The following KIRREL3 variants were observed in gnomAD, a reference collection of about 807,000 sequenced individuals.
KIRREL3 encodes the protein kirre like nephrin family adhesion molecule 3.
A neutral mutation model predicts 89.7 loss-of-function variants in KIRREL3; 36 were observed. The ratio of observed to expected loss-of-function variants is 0.40; its 90% CI spans 0.31 to 0.53. The LOEUF (loss-of-function observed/expected upper bound fraction) is 0.53. Ranked by LOEUF, KIRREL3 falls within the 20% of genes least tolerant of loss-of-function variation. KIRREL3 has a pLI of 0.49. For synonymous variants in KIRREL3, 445 were observed against 441.4 expected (o/e 1.01, Z -0.10); for missense variants, 864 against 1,056.6 (o/e 0.82, Z 2.53).
chr11:126,732,144 T>C (rs772244203), intron 1 of KIRREL3, among the ~76,000 whole-genome samples: 2 of 152,192 alleles, frequency 1.3e-5, no homozygotes, highest in Non-Finnish European at 2.9e-5. Context: ...ATTTGGAGAC[T>C]AAGGATTCCT....
rs1310921725 is a variant in KIRREL3, at chr11:126,768,441, T to A, written c.56-205529A>T. Among the ~76,000 whole-genome samples, 1 of 152,246 alleles carries A rather than the reference T, an allele frequency of 6.6e-6. No homozygotes were observed. Among genetic ancestry groups the A allele is most frequent in the Non-Finnish European group, 1.5e-5 (1 of 68,046 alleles). ...TCAGTCAGGCAGGCCAAGGATCTTATGAACTTGGTTTATGAGATCCTTGGT... is the reference window on the plus strand; with the variant it reads ...TCAGTCAGGCAGGCCAAGGATCTTAAGAACTTGGTTTATGAGATCCTTGGT... On this transcript the variant is annotated intron_variant, in intron 1 of 16. Coordinates refer to ENST00000525144, the MANE Select transcript of KIRREL3 (RefSeq NM_032531.4). The surrounding 1 kb of genome is among the most constrained non-coding windows in gnomAD (Gnocchi z 4.5).
Position 126,496,623 on chromosome 11 carries a change from C to T in KIRREL3, c.434-23157G>A, listed in dbSNP as rs1418869486. Among the ~76,000 whole-genome samples the T allele has an allele frequency of 6.6e-6, 1 of 152,000 alleles. No individual in the cohort carries two copies. Among genetic ancestry groups the T allele is most frequent in the Non-Finnish European group, 1.5e-5 (1 of 68,006 alleles). ...GGTCTTGGGAGGTGGGGTGGAGGGA[C>T]ATTCCTGGAGAAGGAGGCTAAGTCT... On this transcript the variant is annotated intron_variant, in intron 4 of 16. Coordinates refer to ENST00000525144, the MANE Select transcript of KIRREL3 (RefSeq NM_032531.4). The surrounding 1 kb of genome is among the most constrained non-coding windows in gnomAD (Gnocchi z 4.9).
At chr11:126,698,261 G>C (rs531854798) in intron 1 of KIRREL3, among the ~76,000 whole-genome samples, 1 of 152,124 alleles carries the variant, frequency 6.6e-6, no homozygotes, top group East Asian at 1.9e-4. Context: ...TCATGCTCAC[G>C]GAGAGATGAG....
At chr11:126,972,904 G>A (rs1055060432) in intron 1 of KIRREL3, among the ~76,000 whole-genome samples, 1 of 151,950 alleles carries the variant, frequency 6.6e-6, no homozygotes, top group Non-Finnish European at 1.5e-5. Flanking sequence ...ACATAAAAAG[G>A]GACAGAAAAG....
chr11:126,689,471 A>T lies in KIRREL3; in HGVS notation c.56-126559T>A, dbSNP rs1946798849. On this transcript the variant is annotated intron_variant, in intron 1 of 16. Transcript: ENST00000525144. This position sits in a 1 kb window ranked among gnomAD's most constrained non-coding sequence, Gnocchi z 5.2. The stretch of plus-strand genomic sequence containing the variant: ...GGCTAGGCCACTTCTGCTCCTTGCA[A>T]GCTCCAAAGAGGAGGTCTCCTATGC... Among the ~76,000 whole-genome samples, 1 of 152,170 alleles carries T rather than the reference A, an allele frequency of 6.6e-6. No individual in the cohort carries two copies. The highest frequency in any genetic ancestry group is 2.4e-5 in the African/African-American group (1 of 41,426).
chr11:126,617,569 G>C (rs1943405126), intron 1 of KIRREL3, among the ~76,000 whole-genome samples: 1 of 152,202 alleles, frequency 6.6e-6, no homozygotes, highest in Non-Finnish European at 1.5e-5. Flanking sequence ...CAGCAAATCA[G>C]CCATCTCATT....
rs550809630 is a variant in KIRREL3, at chr11:126,739,980, C to T, written c.56-177068G>A. On this transcript the variant is annotated intron_variant, in intron 1 of 16. Coordinates refer to ENST00000525144, the MANE Select transcript of KIRREL3 (RefSeq NM_032531.4). The surrounding 1 kb of genome is among the most constrained non-coding windows in gnomAD (Gnocchi z 5.5). ...AAATCTAATCATCCATACAGCTGCACTCTGAATTTGTCATGACTCACTGGA... is the reference window on the plus strand; with the variant it reads ...AAATCTAATCATCCATACAGCTGCATTCTGAATTTGTCATGACTCACTGGA... Among the ~76,000 whole-genome samples the T allele has an allele frequency of 2.9e-4, 44 of 152,216 alleles. No homozygotes were observed. The highest frequency in any genetic ancestry group is 8.2e-4 in the African/African-American group (34 of 41,528).
At chr11:126,972,168 T>TAGAGAGAGAG (rs61426707) in intron 1 of KIRREL3, among the ~76,000 whole-genome samples, 4,727 of 119,810 alleles carry the variant, frequency 0.039, 207 homozygotes, top group Non-Finnish European at 0.049. Flanking sequence ...GAGGGTCTGG[T>TAGAGAGAGAG]AGAGAGAGAG....
At chr11:126,984,296 T>C (rs74953076) in intron 1 of KIRREL3, among the ~76,000 whole-genome samples, 2,271 of 152,308 alleles carry the variant, frequency 0.015, 48 homozygotes, top group African/African-American at 0.051. Flanking sequence ...CCCTCTTCCA[T>C]ACCAAGGCCA....
rs1944941280 is a variant in KIRREL3 at position 126,652,368 on chromosome 11, G to A, written c.56-89456C>T. Among the ~76,000 whole-genome samples the A allele has an allele frequency of 6.6e-6, 1 of 152,164 alleles. No individual in the cohort carries two copies. Among genetic ancestry groups the A allele is most frequent in the Non-Finnish European group, 1.5e-5 (1 of 68,026 alleles). ...AGAACCAAGACAGGAGAGGAAGCCTGGGCCAAGCCTGCCTAGGGAGTCTAT... is the reference window on the plus strand; with the variant it reads ...AGAACCAAGACAGGAGAGGAAGCCTAGGCCAAGCCTGCCTAGGGAGTCTAT... On this transcript the variant is annotated intron_variant, in intron 1 of 16. Coordinates refer to ENST00000525144, the MANE Select transcript of KIRREL3 (RefSeq NM_032531.4). The surrounding 1 kb of genome is among the most constrained non-coding windows in gnomAD (Gnocchi z 4.9).
In KIRREL3 at chr11:126,924,547, G is replaced by A. The variant is rs186440930; in HGVS notation, c.55+75908C>T. On this transcript the variant is annotated intron_variant, in intron 1 of 16. Coordinates refer to ENST00000525144, the MANE Select transcript of KIRREL3 (RefSeq NM_032531.4). This position sits in a 1 kb window ranked among gnomAD's most constrained non-coding sequence, Gnocchi z 4.7. Reference sequence around the variant, plus strand: ...GGAACATCTTTGGCTTCACACACCCGACCCACAGACTGCGCTTCAGCTGCT... The same window carrying A: ...GGAACATCTTTGGCTTCACACACCCAACCCACAGACTGCGCTTCAGCTGCT... Among the ~76,000 whole-genome samples the A allele has an allele frequency of 5.9e-5, 9 of 152,154 alleles. No individual in the cohort carries two copies. Among genetic ancestry groups the A allele is most frequent in the African/African-American group, 1.2e-4 (5 of 41,432 alleles).
Position 126,987,769 on chromosome 11 carries a change from G to A in KIRREL3, c.55+12686C>T, listed in dbSNP as rs1472754530. Among the ~76,000 whole-genome samples the A allele has an allele frequency of 3.3e-5, 5 of 152,142 alleles. No homozygotes were observed. Among genetic ancestry groups the A allele is most frequent in the African/African-American group, 1.2e-4 (5 of 41,434 alleles). ...CTGTATTGCTCTGATTCGATCTAAAGGAGCTTTGAAAACGTCAAAGAACTT... is the reference window on the plus strand; with the variant it reads ...CTGTATTGCTCTGATTCGATCTAAAAGAGCTTTGAAAACGTCAAAGAACTT... On this transcript the variant is annotated intron_variant, in intron 1 of 16. Transcript: ENST00000525144. The surrounding 1 kb of genome is among the most constrained non-coding windows in gnomAD (Gnocchi z 4.6).
rs533031215 is a variant in KIRREL3, at chr11:126,915,159, T to C, written c.55+85296A>G. 8.5e-5 allele frequency among the ~76,000 whole-genome samples: 13 copies of C among 152,330 alleles called. No homozygotes were observed. In the East Asian group the frequency reaches 2.1e-3, roughly 25 times the overall value. On this transcript the variant is annotated intron_variant, in intron 1 of 16. Coordinates refer to ENST00000525144, the MANE Select transcript of KIRREL3 (RefSeq NM_032531.4). ...AAAACAGCAGATTTCATTGCTGGAA[T>C]CTTCCCTTCAGAATCTGTAAGCACC...
rs146259682 is a variant in KIRREL3 at position 126,564,927 on chromosome 11, T to G, written c.56-2015A>C. Among the ~76,000 whole-genome samples, 55 of 152,338 alleles carry G rather than the reference T, an allele frequency of 3.6e-4. No individual in the cohort carries two copies. In the East Asian group the frequency reaches 0.01, roughly 29 times the overall value. On this transcript the variant is annotated intron_variant, in intron 1 of 16. Transcript: ENST00000525144. The surrounding 1 kb of genome is among the most constrained non-coding windows in gnomAD (Gnocchi z 7.4). The stretch of plus-strand genomic sequence containing the variant: ...ATTGTAATTGCACACGCATTGTTCA[T>G]CATTAGAATGATACAATTGCTGACA...
intron 6 of KIRREL3, among the ~76,000 whole-genome samples, chr11:126,461,363 T>G (rs1027945583): frequency 3.3e-5 from 5 of 152,228 alleles, no homozygotes; most frequent in African/African-American, 1.2e-4. Flanking sequence ...TAAGGAGGCC[T>G]GGCCTCACTT....
chr11:126,650,944 T>A (rs7358336), intron 1 of KIRREL3, among the ~76,000 whole-genome samples: 11,515 of 152,250 alleles, frequency 0.076, 1,105 homozygotes, highest in African/African-American at 0.23. Flanking sequence ...AAGGCACTTC[T>A]TACATGGCAG....
intron 13 of KIRREL3, among the ~76,000 whole-genome samples, chr11:126,433,715 A>G (rs1241206522): frequency 6.6e-6 from 1 of 152,234 alleles, no homozygotes; most frequent in East Asian, 1.9e-4. Context: ...GAAGAAAGGG[A>G]AACTGCTGTG....
rs77993084 is a variant in KIRREL3, at chr11:126,837,451, T to G, written c.55+163004A>C. On this transcript the variant is annotated intron_variant, in intron 1 of 16. Coordinates refer to ENST00000525144, the MANE Select transcript of KIRREL3 (RefSeq NM_032531.4). This position sits in a 1 kb window ranked among gnomAD's most constrained non-coding sequence, Gnocchi z 4.7. ...CTAGACTCAGAGTGGAAGAGAAACC[T>G]GGTGAATTGGTGGGTAGGAGTCTCT... is the stretch of plus-strand genomic sequence containing the variant. Among the ~76,000 whole-genome samples the G allele has an allele frequency of 0.013, 2,053 of 152,316 alleles. 49 individuals carry two copies. Among genetic ancestry groups the G allele is most frequent in the African/African-American group, 0.047 (1,954 of 41,564 alleles).
chr11:126,688,527 A>G (rs929933583), intron 1 of KIRREL3, among the ~76,000 whole-genome samples: 1 of 152,240 alleles, frequency 6.6e-6, no homozygotes. Context: ...TGAACAAACT[A>G]AAATCATAAC....
Sources: gnomAD v4.1 joint callset for allele counts (sites outside exome capture counted in the v4.1 genomes callset) on GRCh38, gnomAD v4.1.1 for gene constraint, Gnocchi (gnomAD v3.1) non-coding constraint, MANE v1.5 for transcripts, NCBI Gene and HGNC (gene_info 2026-07-23, HGNC 2026-07-21) for gene names.